Variants in BTN2A1 observed in about 807,000 individuals in gnomAD.
The protein encoded by BTN2A1 is butyrophilin subfamily 2 member A1.
BTN2A1 carries 41 observed loss-of-function variants against 34.5 expected under a neutral mutation model. That is an observed-to-expected ratio of 1.19 (90% confidence interval 0.93 to 1.54). The LOEUF (loss-of-function observed/expected upper bound fraction) is 1.54. Among genes scored for constraint, BTN2A1 ranks in the 40% most tolerant of loss-of-function variants. BTN2A1 has a pLI of 0.00. For synonymous variants in BTN2A1, 267 were observed against 258.6 expected (o/e 1.03, Z -0.31); for missense variants, 642 against 662.0 (o/e 0.97, Z 0.33).
At chr6:26,471,078 C>T (rs1420565789), downstream of BTN2A1, among the ~76,000 whole-genome samples, 2 of 152,118 alleles carry the variant, frequency 1.3e-5, no homozygotes, top group Non-Finnish European at 2.9e-5. Flanking sequence ...AGTTGTAAAA[C>T]TGGGTTGAAC....
intron 3 of BTN2A1, chr6:26,462,752 T>C (rs1169307475): frequency 8.1e-7 from 1 of 1,231,068 alleles, no homozygotes; most frequent in Non-Finnish European, 1.1e-6. Flanking sequence ...TTTCTTAGGA[T>C]TCTGCCCGCC....
At chr6:26,466,693 G>A (rs1763325126) in intron 7 of BTN2A1, among the ~76,000 whole-genome samples, 1 of 152,190 alleles carries the variant, frequency 6.6e-6, no homozygotes, top group Non-Finnish European at 1.5e-5. Flanking sequence ...CAGCCCCTCT[G>A]CCCATAAGCA....
intron 3 of BTN2A1, among the ~76,000 whole-genome samples, chr6:26,461,281 A>G (rs1763157903): frequency 6.6e-6 from 1 of 152,204 alleles, no homozygotes; most frequent in Non-Finnish European, 1.5e-5. Flanking sequence ...TGGATTGCTT[A>G]GGACTTTTTG....
intron 3 of BTN2A1, among the ~76,000 whole-genome samples, chr6:26,460,904 T>G (rs1384716729): frequency 6.6e-6 from 1 of 152,126 alleles, no homozygotes; most frequent in East Asian, 1.9e-4. Flanking sequence ...AGCAAGACTC[T>G]GTATCAAAAA....
chr6:26,468,210 G>A lies in BTN2A1; in HGVS notation c.1245G>A (p.Leu415=), dbSNP rs1264082559. ...TTGAGAGGAAAGGGGAGGTCCTGCT[G>A]ATTCCTCAGAATGGCTTCTGGACCT... is the stretch of plus-strand genomic sequence containing the variant. ...DSVERKGEVL[L]IPQNGFWTLE... is the part of the protein sequence containing the mutation. Residue 415 remains leucine (L), a synonymous_variant, in exon 8 of 8, where the codon CTG becomes CTA. Transcript: ENST00000312541. 1 of 1,614,120 alleles carries A rather than the reference G, an allele frequency of 6.2e-7. No homozygotes were observed. Among genetic ancestry groups the A allele is most frequent in the Non-Finnish European group, 8.5e-7 (1 of 1,180,054 alleles).
In BTN2A1 at chr6:26,463,530, G is replaced by C. The variant is rs764163602; in HGVS notation, c.712+5G>C. 5 of 1,612,274 alleles carry C rather than the reference G, an allele frequency of 3.1e-6. No homozygotes were observed. In the East Asian group the frequency reaches 1.1e-4, roughly 36 times the overall value. ...AAAGTGTCATTTTTATTCCAGGTTA[G>C]TTCTCTGCCCTCTGAGACTCGTCGA... On this transcript the variant is annotated splice_donor_5th_base_variant and intron_variant, in intron 4 of 7. Transcript: ENST00000312541.
rs1763052921 is a variant in BTN2A1, at chr6:26,457,996, A to T, written c.-177A>T. The T allele has an allele frequency of 6.6e-6, 1 of 152,350 alleles. No individual in the cohort carries two copies. Among genetic ancestry groups the T allele is most frequent in the African/African-American group, 2.4e-5 (1 of 41,388 alleles). The allele number at this position is 152,350 out of a possible 1,614,324, so 9.4% of individuals were successfully genotyped here. A position where few individuals can be genotyped will look rare whatever the true frequency, so the allele number is the denominator to read the frequency against. On this transcript the variant is annotated 5_prime_UTR_variant, in exon 1 of 8. Transcript: ENST00000312541. The stretch of plus-strand genomic sequence containing the variant: ...ATCTCCAAACATGGCGACCTAGGAG[A>T]AGGGGAAGAACAATTTTTTCTCCTC...
intron 7 of BTN2A1, among the ~76,000 whole-genome samples, chr6:26,474,687 A>G (rs1004025736): frequency 6.6e-6 from 1 of 152,112 alleles, no homozygotes; most frequent in African/African-American, 2.4e-5. Context: ...AAGAGGGACA[A>G]CCTGAATAGA....
At chr6:26,464,642 A>C (rs1218363726) in intron 4 of BTN2A1, among the ~76,000 whole-genome samples, 1 of 152,174 alleles carries the variant, frequency 6.6e-6, no homozygotes, top group Non-Finnish European at 1.5e-5. Flanking sequence ...CCAGAAGGTG[A>C]TGCTGGTGTG....
At chr6:26,458,860 C>T in intron 2 of BTN2A1, 142 bp downstream of exon 2, 2 of 1,151,746 alleles carry the variant, frequency 1.7e-6, no homozygotes, top group South Asian at 1.3e-5. Context: ...TATACCAGCA[C>T]TGTCCAAAAG....
intron 7 of BTN2A1, among the ~76,000 whole-genome samples, chr6:26,467,309 G>A (rs985919677): frequency 6.6e-6 from 1 of 152,012 alleles, no homozygotes; most frequent in Admixed American, 6.6e-5. Context: ...CTTCATTTGG[G>A]GTTTTGTTTT....
At position 26,459,512 on chromosome 6, in the gene BTN2A1, C is replaced by A; in HGVS notation, c.114C>A (p.Pro38=). The A allele has an allele frequency of 6.2e-7, 1 of 1,613,928 alleles. No homozygotes were observed. The highest frequency in any genetic ancestry group is 8.5e-7 in the Non-Finnish European group (1 of 1,179,854). The change falls in exon 3 of 8, where the codon CCC becomes CCA. Residue 38 remains proline, a synonymous_variant. Transcript: ENST00000312541. ...AQFIVVGPTD[P]ILATVGENTT... ...TTATTGTCGTGGGGCCCACTGATCC[C>A]ATCTTGGCCACGGTTGGAGAAAACA...
rs1043880733 is a variant in BTN2A1, at chr6:26,462,018, C to A, written c.431-1226C>A. ...CCCAGGCGATAGAGTGAGACTGTGT[C>A]AAAAAAAAAAATTTTTTTTTATTAA... is the stretch of plus-strand genomic sequence containing the variant. On this transcript the variant is annotated intron_variant, in intron 3 of 7. Transcript: ENST00000312541. Among the ~76,000 whole-genome samples, 6 of 34,210 alleles carry A rather than the reference C, an allele frequency of 1.8e-4. No homozygotes were observed. In the East Asian group the frequency reaches 5.6e-3, roughly 32 times the overall value. The allele number at this position is 34,210 out of a possible 152,430, so 22.4% of individuals were successfully genotyped here.
chr6:26,459,297 T>TG (rs2113853877), intron 2 of BTN2A1, among the ~76,000 whole-genome samples, 184 bp from the exon 3 acceptor site: 1 of 152,178 alleles, frequency 6.6e-6, no homozygotes, highest in African/African-American at 2.4e-5. Context: ...GAAGCACACT[T>TG]TATAGTTACT....
rs1233338221 is a variant in BTN2A1, at chr6:26,469,009, T to G, written c.*460T>G. Reference sequence around the variant, plus strand: ...GGGAACCAGATATGCAGATCAGAGATAGAGGAAGTGGAACCAGAGAGCTGG... The same window carrying G: ...GGGAACCAGATATGCAGATCAGAGAGAGAGGAAGTGGAACCAGAGAGCTGG... On this transcript the variant is annotated 3_prime_UTR_variant, in exon 8 of 8. Transcript: ENST00000312541. The G allele has an allele frequency of 2.4e-5, 28 of 1,183,656 alleles. No individual in the cohort carries two copies. The highest frequency in any genetic ancestry group is 4.3e-6 in the Non-Finnish European group (4 of 940,820). 73.3% of individuals were successfully genotyped at this position (1,183,656 alleles called of 1,614,324 possible).
Position 26,463,264 on chromosome 6 carries a change from A to C in BTN2A1, c.451A>C (p.Ile151Leu), listed in dbSNP as rs1478993687. ...CACAGGACTAGGCTCTAAGCCCCTC[A>C]TTTCAATGAGGGGCCATGAAGACGG... The part of the protein sequence containing the change: ...VVAGLGSKPL[I>L]SMRGHEDGGI... The change falls in exon 4 of 8, where the codon ATT (isoleucine) becomes CTT (leucine). Residue 151 changes from isoleucine to leucine, a missense_variant. By Grantham distance (5) the Ile-to-Leu change is conservative. Transcript: ENST00000312541. 6.2e-7 allele frequency: 1 copy of C among 1,608,190 alleles called. No individual in the cohort carries two copies. The highest frequency in any genetic ancestry group is 1.3e-5 in the African/African-American group (1 of 74,408).
chr6:26,466,444 C>T (rs371970047), intron 7 of BTN2A1, among the ~76,000 whole-genome samples: 1 of 152,204 alleles, frequency 6.6e-6, no homozygotes, highest in Non-Finnish European at 1.5e-5. Flanking sequence ...ATCTTAGCAG[C>T]TTATATCCTG....
At position 26,465,250 on chromosome 6, in the gene BTN2A1, A is replaced by T; in HGVS notation, c.778A>T (p.Ile260Leu). Residue 260 changes from isoleucine (I) to leucine (L), a missense_variant, in exon 5 of 8, where the codon ATA (isoleucine) becomes TTA (leucine). Coordinates refer to ENST00000312541, the MANE Select transcript of BTN2A1 (RefSeq NM_007049.5). ...ALPIIVVILMIPIAVCIYWIN... is the reference protein window; with the variant it reads ...ALPIIVVILMLPIAVCIYWIN... ...GCCTATCATTGTGGTTATTCTGATG[A>T]TACCCATTGCCGTATGCATCTATTG... The T allele has an allele frequency of 6.2e-7, 1 of 1,614,190 alleles. No homozygotes were observed. The highest frequency in any genetic ancestry group is 8.5e-7 in the Non-Finnish European group (1 of 1,180,000).
In BTN2A1 at chr6:26,458,676, T is replaced by G. The variant is rs765094199; in HGVS notation, c.40T>G (p.Ser14Ala). ...TGCCCTGCACTTCTCCCGGCCAGCCTCCCTCCTCCTCCTCCTCCTCAGCCT... is the reference window on the plus strand; with the variant it reads ...TGCCCTGCACTTCTCCCGGCCAGCCGCCCTCCTCCTCCTCCTCCTCAGCCT... ...AAALHFSRPA[S>A]LLLLLLSLCA... Residue 14 changes from serine (S) to alanine (A), a missense_variant, in exon 2 of 8, where the codon TCC becomes GCC. Coordinates refer to ENST00000312541, the MANE Select transcript of BTN2A1 (RefSeq NM_007049.5). 4 of 1,613,190 alleles carry G rather than the reference T, an allele frequency of 2.5e-6. No homozygotes were observed. The highest frequency in any genetic ancestry group is 3.3e-5 in the Admixed American group (2 of 59,982).
Sources: gnomAD v4.1 joint callset for allele counts (sites outside exome capture counted in the v4.1 genomes callset) on GRCh38, gnomAD v4.1.1 for gene constraint, MANE v1.5 for transcripts, NCBI Gene and HGNC (gene_info 2026-07-23, HGNC 2026-07-21) for gene names.